The following SLC24A3 variants were observed in gnomAD, a reference collection of about 807,000 sequenced individuals.
SLC24A3 encodes the protein solute carrier family 24 member 3, also known as sodium/potassium/calcium exchanger 3.
A neutral mutation model predicts 75.8 loss-of-function variants in SLC24A3; 28 were observed. The ratio of observed to expected loss-of-function variants is 0.37; its 90% CI spans 0.27 to 0.51. SLC24A3 has a LOEUF of 0.51. Ranked by LOEUF, SLC24A3 falls within the 20% of genes least tolerant of loss-of-function variation. The pLI, the probability that SLC24A3 is intolerant of heterozygous loss-of-function variation, is 0.94. For missense variants in SLC24A3, 663 were observed against 847.8 expected, an observed-to-expected ratio of 0.78 and a Z score of 2.71; for synonymous variants, 372 against 334.1, an observed-to-expected ratio of 1.11 and a Z score of -1.24.
At chr20:19,291,346 T>G (rs1983937389) in intron 2 of SLC24A3, among the ~76,000 whole-genome samples, 1 of 152,184 alleles carries the variant, frequency 6.6e-6, no homozygotes, top group Non-Finnish European at 1.5e-5. Flanking sequence ...GTCTGAGGGC[T>G]GTGAAGGTCA....
rs372324339 is a variant in SLC24A3, at chr20:19,239,119, T to TAA, written c.142+26135_142+26136insAA. ...TGGAGCTCTTTGAGAAAAGCTTATT[T>TAA]TAAAAAAAAAAAAAAAAAACAACAC... On this transcript the variant is annotated intron_variant, in intron 1 of 16. Coordinates refer to ENST00000328041, the MANE Select transcript of SLC24A3 (RefSeq NM_020689.4). Among the ~76,000 whole-genome samples, 1,085 of 134,308 alleles carry TAA rather than the reference T, an allele frequency of 8.1e-3. 21 individuals are homozygous for TAA. Among genetic ancestry groups the TAA allele is most frequent in the African/African-American group, 0.028 (973 of 35,000 alleles). 88.1% of individuals were successfully genotyped at this position (134,308 alleles called of 152,430 possible).
At chr20:19,262,112 AAGAG>A (rs1272133700) in intron 1 of SLC24A3, among the ~76,000 whole-genome samples, 1 of 152,126 alleles carries the variant, frequency 6.6e-6, no homozygotes, top group Non-Finnish European at 1.5e-5. Context: ...TATACACAGA[AAGAG>A]AGAGAGGCCG....
At chr20:19,510,387 C>T (rs2122552406) in intron 2 of SLC24A3, among the ~76,000 whole-genome samples, 1 of 152,364 alleles carries the variant, frequency 6.6e-6, no homozygotes, top group African/African-American at 2.4e-5. Flanking sequence ...CCATGCCCCA[C>T]TGCTGTGTGC....
chr20:19,451,212 C>G (rs1335611400), intron 2 of SLC24A3, among the ~76,000 whole-genome samples: 1 of 152,140 alleles, frequency 6.6e-6, no homozygotes, highest in Non-Finnish European at 1.5e-5. Flanking sequence ...TAAAATATTC[C>G]TTCCTCCAGC....
intron 6 of SLC24A3, among the ~76,000 whole-genome samples, chr20:19,630,184 C>T (rs2031916834): frequency 6.6e-6 from 1 of 152,130 alleles, no homozygotes; most frequent in Admixed American, 6.5e-5. Context: ...CCATTTTGAG[C>T]AAAGTTGCCC....
At chr20:19,513,121 A>AT (rs2029914630) in intron 2 of SLC24A3, among the ~76,000 whole-genome samples, 3 of 152,144 alleles carry the variant, frequency 2.0e-5, no homozygotes. Context: ...GAAAAAAAAA[A>AT]GCCTATTGCT....
At chr20:19,471,910 A>C (rs1229436302) in intron 2 of SLC24A3, among the ~76,000 whole-genome samples, 1 of 152,232 alleles carries the variant, frequency 6.6e-6, no homozygotes, top group East Asian at 1.9e-4. Flanking sequence ...AAAATATGAA[A>C]GTAATAGTCT....
At chr20:19,296,481 C>T (rs1984063544) in intron 2 of SLC24A3, among the ~76,000 whole-genome samples, 1 of 151,956 alleles carries the variant, frequency 6.6e-6, no homozygotes, top group Admixed American at 6.6e-5. Flanking sequence ...TCGATATGGT[C>T]ATTTAGTGTT....
intron 3 of SLC24A3, among the ~76,000 whole-genome samples, chr20:19,570,679 C>T (rs1317480207): frequency 6.6e-6 from 1 of 152,122 alleles, no homozygotes; most frequent in Non-Finnish European, 1.5e-5. Context: ...ATGATGAACA[C>T]AAATGATAGT....
chr20:19,525,697 CCGAGGA>C (rs1169587670), intron 3 of SLC24A3, among the ~76,000 whole-genome samples: 1 of 152,140 alleles, frequency 6.6e-6, no homozygotes, highest in Non-Finnish European at 1.5e-5. Context: ...AGGAGAGTGG[CCGAGGA>C]CGAGGACGGG....
chr20:19,322,244 A>C (rs1227976068), intron 2 of SLC24A3, among the ~76,000 whole-genome samples: 1 of 151,998 alleles, frequency 6.6e-6, no homozygotes, highest in Non-Finnish European at 1.5e-5. Flanking sequence ...GGGTGTGCAA[A>C]ATGGTGATTT....
intron 2 of SLC24A3, among the ~76,000 whole-genome samples, chr20:19,489,069 C>G (rs909428496): frequency 2.0e-5 from 3 of 152,208 alleles, no homozygotes; most frequent in African/African-American, 7.2e-5. Flanking sequence ...CTTTAATGCA[C>G]TCAGGAAAGG....
Position 19,676,896 on chromosome 20 carries a change from A to G in SLC24A3, c.767+3242A>G, listed in dbSNP as rs115576695. On this transcript the variant is annotated intron_variant, in intron 9 of 16. Coordinates refer to ENST00000328041, the MANE Select transcript of SLC24A3 (RefSeq NM_020689.4). Reference sequence around the variant, plus strand: ...AGCCCTGACAGCAGAGCCCCCTGCCACTGACAGTCATGGGACCTCAGCCAA... The same window carrying G: ...AGCCCTGACAGCAGAGCCCCCTGCCGCTGACAGTCATGGGACCTCAGCCAA... Among the ~76,000 whole-genome samples, 588 of 152,306 alleles carry G rather than the reference A, an allele frequency of 3.9e-3. 4 individuals carry two copies. The highest frequency in any genetic ancestry group is 0.013 in the African/African-American group (550 of 41,562).
chr20:19,584,422 C>T (rs147740230), intron 4 of SLC24A3, among the ~76,000 whole-genome samples: 3 of 152,242 alleles, frequency 2.0e-5, no homozygotes, highest in Admixed American at 6.5e-5. Flanking sequence ...TTACCATGAG[C>T]GTCATTTAGC....
intron 6 of SLC24A3, among the ~76,000 whole-genome samples, chr20:19,587,289 A>T (rs923874500): frequency 6.6e-6 from 1 of 152,226 alleles, no homozygotes; most frequent in Admixed American, 6.5e-5. Flanking sequence ...CTAATTACTT[A>T]TGAAATGGCT....
intron 2 of SLC24A3, among the ~76,000 whole-genome samples, chr20:19,489,879 A>G (rs890494652): frequency 1.3e-5 from 2 of 152,164 alleles, no homozygotes; most frequent in Admixed American, 1.3e-4. Context: ...GCCGTTCTTC[A>G]CTGTTCTGAA....
At chr20:19,492,593 G>A (rs1988224720) in intron 2 of SLC24A3, among the ~76,000 whole-genome samples, 1 of 152,126 alleles carries the variant, frequency 6.6e-6, no homozygotes, top group Admixed American at 6.5e-5. Flanking sequence ...TACTCCTGAG[G>A]CCAGGGATCC....
intron 2 of SLC24A3, among the ~76,000 whole-genome samples, chr20:19,410,534 G>A (rs1484107080): frequency 6.6e-6 from 1 of 152,070 alleles, no homozygotes; most frequent in African/African-American, 2.4e-5. Context: ...ATCATGAGAT[G>A]ACAAAATGGC....
chr20:19,402,492 GAGGC>G (rs1986569701), intron 2 of SLC24A3, among the ~76,000 whole-genome samples: 1 of 152,204 alleles, frequency 6.6e-6, no homozygotes. Context: ...CATTGGAAAT[GAGGC>G]CATGTCCTCA....
Sources: allele counts gnomAD v4.1 joint callset (sites outside exome capture counted in the v4.1 genomes callset), GRCh38; gene constraint gnomAD v4.1.1; transcripts MANE v1.5; gene names NCBI Gene and HGNC (gene_info 2026-07-23, HGNC 2026-07-21).